Variants in CNTNAP2 observed in about 807,000 individuals in gnomAD.
CNTNAP2 encodes contactin-associated protein-like 2.
Under a neutral mutation model 155.2 loss-of-function variants are expected in CNTNAP2, and 98 were observed. The ratio of observed to expected loss-of-function variants is 0.63; its 90% confidence interval spans 0.54 to 0.75. The LOEUF is 0.75. Ranked by LOEUF, CNTNAP2 falls within the 30% of genes least tolerant of loss-of-function variation. The probability of loss-of-function intolerance (pLI) is 0.00; values close to 1 mark genes in which losing one functional copy is unlikely to be tolerated. For missense variants in CNTNAP2, 1,727 were observed against 1,688.1 expected (o/e 1.02, Z -0.40); for synonymous variants, 651 against 631.2 (o/e 1.03, Z -0.47).
chr7:147,283,978 G>T (rs1366682770), intron 8 of CNTNAP2, among the ~76,000 whole-genome samples: 3 of 151,390 alleles, frequency 2.0e-5, no homozygotes, highest in Non-Finnish European at 4.4e-5. Context: ...CAAGTGACGA[G>T]TCCTACATTT....
intron 1 of CNTNAP2, among the ~76,000 whole-genome samples, chr7:146,211,294 C>T (rs189718864): frequency 4.1e-4 from 63 of 152,186 alleles, no homozygotes; most frequent in Non-Finnish European, 7.4e-4. Context: ...AATTTTCCTC[C>T]GGCAATTTCG....
chr7:147,218,334 A>G (rs1803320383), intron 8 of CNTNAP2, among the ~76,000 whole-genome samples: 1 of 151,612 alleles, frequency 6.6e-6, no homozygotes, highest in African/African-American at 2.4e-5. Context: ...AATAAATTAT[A>G]TTTTTATTTT....
At chr7:148,211,176 G>A (rs1795542412) in intron 18 of CNTNAP2, among the ~76,000 whole-genome samples, 1 of 152,206 alleles carries the variant, frequency 6.6e-6, no homozygotes, top group Non-Finnish European at 1.5e-5. Flanking sequence ...CATGAAAGTG[G>A]TTAATGACCT....
chr7:147,619,187 C>T (rs1563024443), intron 12 of CNTNAP2, among the ~76,000 whole-genome samples: 1 of 152,178 alleles, frequency 6.6e-6, no homozygotes, highest in Admixed American at 6.5e-5. Context: ...ATTTAAAAAG[C>T]ATTAGTTAAT....
intron 20 of CNTNAP2, among the ~76,000 whole-genome samples, chr7:148,243,282 C>A (rs1045304682): frequency 2.0e-5 from 3 of 152,108 alleles, no homozygotes; most frequent in African/African-American, 7.2e-5. Flanking sequence ...TGTGCTTAAC[C>A]CCAACAGTGG....
intron 1 of CNTNAP2, among the ~76,000 whole-genome samples, chr7:146,666,046 A>C (rs1429665775): frequency 1.3e-5 from 2 of 152,030 alleles, no homozygotes; most frequent in Non-Finnish European, 2.9e-5. Flanking sequence ...GTATATGATT[A>C]TTAACTATAA....
intron 11 of CNTNAP2, among the ~76,000 whole-genome samples, chr7:147,505,858 A>T (rs1798897057): frequency 6.6e-6 from 1 of 152,170 alleles, no homozygotes; most frequent in Admixed American, 6.5e-5. Flanking sequence ...CTGAGTTAAC[A>T]AATGGATCTT....
At chr7:146,303,771 T>A (rs1800657112) in intron 1 of CNTNAP2, among the ~76,000 whole-genome samples, 1 of 152,156 alleles carries the variant, frequency 6.6e-6, no homozygotes. Flanking sequence ...GTTCTGTAAA[T>A]GTCTATTAGG....
rs567731695 is a variant in CNTNAP2 at position 148,121,189 on chromosome 7, C to T, written c.2554+2901C>T. ...AGCTGGGATTACAGGGGCCCGCCAC[C>T]GCGCCTGGCTAATTTTTGTATTTTT... is the stretch of plus-strand genomic sequence containing the variant. On this transcript the variant is annotated intron_variant, in intron 16 of 23. Transcript: ENST00000361727. Among the ~76,000 whole-genome samples, 12 of 152,234 alleles carry T rather than the reference C, an allele frequency of 7.9e-5. No homozygotes were observed. The East Asian group carries it at 9.7e-4, about 12-fold the overall frequency.
At chr7:147,803,963 G>A (rs1798047898) in intron 13 of CNTNAP2, among the ~76,000 whole-genome samples, 1 of 152,268 alleles carries the variant, frequency 6.6e-6, no homozygotes, top group East Asian at 1.9e-4. Flanking sequence ...GAAAGAATAC[G>A]AATGTAAGTT....
intron 21 of CNTNAP2, among the ~76,000 whole-genome samples, chr7:148,324,794 CAAAA>C (rs72157861): frequency 2.8e-5 from 3 of 105,812 alleles, no homozygotes; most frequent in Non-Finnish European, 3.8e-5. Context: ...GACTCCATCT[CAAAA>C]AAAAAAAAAG....
chr7:147,387,096 CATGACTCA>C (rs1048765724), intron 9 of CNTNAP2, among the ~76,000 whole-genome samples: 4 of 152,122 alleles, frequency 2.6e-5, no homozygotes, highest in African/African-American at 9.7e-5. Context: ...GACCCACCCC[CATGACTCA>C]ATTACCTCCC....
chr7:147,336,244 G>A (rs1331956673), intron 9 of CNTNAP2, among the ~76,000 whole-genome samples: 1 of 151,736 alleles, frequency 6.6e-6, no homozygotes, highest in Non-Finnish European at 1.5e-5. Context: ...AACCTGAGAG[G>A]TTTGCTGTTG....
intron 17 of CNTNAP2, among the ~76,000 whole-genome samples, chr7:148,149,977 T>G (rs1213315889): frequency 6.6e-6 from 1 of 152,030 alleles, no homozygotes; most frequent in Non-Finnish European, 1.5e-5. Context: ...AGTCCCAGTT[T>G]CTAATTCCTG....
intron 10 of CNTNAP2, among the ~76,000 whole-genome samples, chr7:147,408,381 A>G (rs1797045128): frequency 6.6e-6 from 1 of 152,178 alleles, no homozygotes; most frequent in Admixed American, 6.5e-5. Context: ...CAGTAAACTC[A>G]AGGATTTACA....
intron 9 of CNTNAP2, among the ~76,000 whole-genome samples, chr7:147,385,151 T>C (rs1053474018): frequency 5.3e-5 from 8 of 152,126 alleles, no homozygotes; most frequent in Non-Finnish European, 7.4e-5. Context: ...GAAAGACCCA[T>C]GCCCAAGATT....
chr7:146,216,790 A>C (rs1438176712), intron 1 of CNTNAP2, among the ~76,000 whole-genome samples: 1 of 152,254 alleles, frequency 6.6e-6, no homozygotes, highest in African/African-American at 2.4e-5. Flanking sequence ...CAGTTCTATT[A>C]AAGTGCATTA....
At chr7:146,877,506 A>C (rs1474174340) in intron 3 of CNTNAP2, among the ~76,000 whole-genome samples, 1 of 151,636 alleles carries the variant, frequency 6.6e-6, no homozygotes, top group Non-Finnish European at 1.5e-5. Flanking sequence ...GCCTGTCTGT[A>C]AAATATATAT....
chr7:148,167,762 TG>T lies in CNTNAP2; in HGVS notation c.2774-4479del, dbSNP rs142225034. ...AGCCACACAACTGAGTAGAAATAGT[TG>T]ATGATCCTGAGAAGGAAAGATCCAC... On this transcript the variant is annotated intron_variant, in intron 17 of 23. Coordinates refer to ENST00000361727, the MANE Select transcript of CNTNAP2 (RefSeq NM_014141.6). Among the ~76,000 whole-genome samples, 4 of 152,140 alleles carry T rather than the reference TG, an allele frequency of 2.6e-5. No homozygotes were observed. The East Asian group carries it at 7.7e-4, about 29-fold the overall frequency.
Sources: allele counts gnomAD v4.1 joint callset (sites outside exome capture counted in the v4.1 genomes callset), GRCh38; gene constraint gnomAD v4.1.1; transcripts MANE v1.5; gene names NCBI Gene and HGNC (gene_info 2026-07-23, HGNC 2026-07-21).